Variants in FTO observed in about 807,000 individuals in gnomAD.
FTO encodes the protein FTO alpha-ketoglutarate dependent dioxygenase.
FTO carries 47 observed loss-of-function variants against 63.9 expected under a neutral mutation model. The ratio of observed to expected loss-of-function variants is 0.74; its 90% confidence interval spans 0.58 to 0.94. The LOEUF (loss-of-function observed/expected upper bound fraction) is 0.94, where lower values mean the gene tolerates loss of function less well. Among genes scored for constraint, FTO ranks in the 40% least tolerant of loss-of-function variants. The pLI, the probability that FTO is intolerant of heterozygous loss-of-function variation, is 0.00. For missense variants in FTO, 562 were observed against 618.1 expected, an observed-to-expected ratio of 0.91 and a Z score of 0.96; for synonymous variants, 207 against 224.4, an observed-to-expected ratio of 0.92 and a Z score of 0.69.
intron 1 of FTO, among the ~76,000 whole-genome samples, chr16:53,781,638 T>C (rs1160666938): frequency 6.6e-6 from 1 of 152,206 alleles, no homozygotes; most frequent in African/African-American, 2.4e-5. Context: ...ACTTCTTCTA[T>C]CATCTTATTC....
chr16:53,984,944 G>C (rs2083632091), intron 8 of FTO: 1 of 456,516 alleles, frequency 2.2e-6, no homozygotes, highest in Non-Finnish European at 4.4e-6. Context: ...TCAGGGCAGA[G>C]AGGAGTGTTG....
At chr16:54,004,957 C>T (rs576155015) in intron 8 of FTO, among the ~76,000 whole-genome samples, 1 of 151,116 alleles carries the variant, frequency 6.6e-6, no homozygotes, top group African/African-American at 2.4e-5. Flanking sequence ...GTAGTCGCAG[C>T]TACTTGGGAG....
At chr16:53,970,603 A>AG (rs1555499111) in intron 8 of FTO, among the ~76,000 whole-genome samples, 46 of 151,802 alleles carry the variant, frequency 3.0e-4, no homozygotes, top group African/African-American at 9.2e-4. Flanking sequence ...AAAAAAAAAA[A>AG]AAAAGAAAAG....
chr16:53,990,813 G>A (rs2083791776), intron 8 of FTO, among the ~76,000 whole-genome samples: 1 of 151,832 alleles, frequency 6.6e-6, no homozygotes, highest in Non-Finnish European at 1.5e-5. Flanking sequence ...CATTTCAGGT[G>A]CCCGCCACCA....
At chr16:53,867,295 CGT>C (rs1567377290) in intron 4 of FTO, among the ~76,000 whole-genome samples, 2 of 149,932 alleles carry the variant, frequency 1.3e-5, no homozygotes, top group African/African-American at 5.0e-5. Flanking sequence ...TGCTAGTAGA[CGT>C]GTATTGCAGG....
chr16:53,906,606 T>G (rs889979754), intron 7 of FTO, among the ~76,000 whole-genome samples: 3 of 152,208 alleles, frequency 2.0e-5, no homozygotes, highest in Non-Finnish European at 2.9e-5. Context: ...GGATCCGATT[T>G]CAAAGCTTCA....
intron 1 of FTO, among the ~76,000 whole-genome samples, chr16:53,789,992 AAT>A (rs1425726756): frequency 4.0e-5 from 6 of 149,390 alleles, no homozygotes; most frequent in East Asian, 1.9e-4. Flanking sequence ...ACAAATATAT[AAT>A]ATGTTTGTGT....
intron 4 of FTO, among the ~76,000 whole-genome samples, chr16:53,851,696 CTA>C (rs1217528573): frequency 6.6e-6 from 1 of 151,878 alleles, no homozygotes. Flanking sequence ...AAATATTACT[CTA>C]GTGTTTGTTT....
intron 1 of FTO, among the ~76,000 whole-genome samples, chr16:53,715,811 C>T (rs1339631257): frequency 1.3e-5 from 2 of 152,114 alleles, no homozygotes; most frequent in East Asian, 1.9e-4. Flanking sequence ...GCCCTCTTGG[C>T]AGTATATTTA....
At chr16:53,732,041 A>ATTTTTT (rs375814669) in intron 1 of FTO, among the ~76,000 whole-genome samples, 1 of 98,620 alleles carries the variant, frequency 1.0e-5, no homozygotes, top group Non-Finnish European at 1.9e-5. Context: ...TTGTGGCCTT[A>ATTTTTT]TTTTTTTTTT....
intron 4 of FTO, among the ~76,000 whole-genome samples, chr16:53,857,440 GTCTCTC>G (rs147635985): frequency 1.3e-4 from 19 of 141,938 alleles, no homozygotes; most frequent in African/African-American, 2.3e-4. Context: ...TGAGAACCTG[GTCTCTC>G]TCTCTCTCTC....
chr16:53,873,772 T>C lies in FTO; in HGVS notation c.896-14T>C. On this transcript the variant is annotated splice_polypyrimidine_tract_variant and intron_variant, in intron 4 of 8. Transcript: ENST00000471389. ...TAAATATGGTTTTATACATTTCTGG[T>C]GTTTTTCCTGTAGATGATCTCAATG... The C allele has an allele frequency of 5.0e-6, 8 of 1,607,202 alleles. No homozygotes were observed. The highest frequency in any genetic ancestry group is 6.8e-6 in the Non-Finnish European group (8 of 1,174,052).
intron 7 of FTO, among the ~76,000 whole-genome samples, chr16:53,899,222 T>C (rs2081345172): frequency 1.9e-5 from 2 of 106,642 alleles, no homozygotes; most frequent in Admixed American, 2.3e-4. Context: ...TATGCAAATA[T>C]GGAAAATCTT....
Position 54,064,723 on chromosome 16 carries a change from T to C in FTO, c.1365-47039T>C, listed in dbSNP as rs545384153. 4.2e-4 allele frequency among the ~76,000 whole-genome samples: 64 copies of C among 152,162 alleles called. 1 individual carries two copies. The highest frequency in any genetic ancestry group is 8.1e-4 in the Non-Finnish European group (55 of 67,998). On this transcript the variant is annotated intron_variant, in intron 8 of 8. Coordinates refer to ENST00000471389, the MANE Select transcript of FTO (RefSeq NM_001080432.3). ...CGATTTTTATTTTGCCAAGAACACG[T>C]TGGTAATGGGATGTAAATCTCCCGG... is the stretch of plus-strand genomic sequence containing the variant.
intron 7 of FTO, among the ~76,000 whole-genome samples, chr16:53,916,367 C>T (rs1396869718): frequency 3.3e-5 from 5 of 151,970 alleles, no homozygotes; most frequent in Admixed American, 1.3e-4. Flanking sequence ...CATCCACAAT[C>T]GTTTCTTTTA....
chr16:54,002,247 C>T (rs1489273525), intron 8 of FTO, among the ~76,000 whole-genome samples: 9 of 152,176 alleles, frequency 5.9e-5, no homozygotes, highest in African/African-American at 2.2e-4. Flanking sequence ...CTCCTGGGCT[C>T]AGGCTCAAGT....
At chr16:53,818,919 A>C (rs2078773731) in intron 2 of FTO, among the ~76,000 whole-genome samples, 1 of 152,162 alleles carries the variant, frequency 6.6e-6, no homozygotes, top group African/African-American at 2.4e-5. Context: ...GGTGTGTTTA[A>C]TAACTTCCTT....
At chr16:53,907,149 C>T (rs1019719183) in intron 7 of FTO, among the ~76,000 whole-genome samples, 2 of 152,166 alleles carry the variant, frequency 1.3e-5, no homozygotes, top group African/African-American at 2.4e-5. Context: ...CCTCAACTTA[C>T]GATGGGTCTG....
intron 7 of FTO, among the ~76,000 whole-genome samples, chr16:53,925,004 G>A (rs945848485): frequency 5.9e-5 from 9 of 151,340 alleles, no homozygotes; most frequent in Admixed American, 5.9e-4. Context: ...TTTCTTTGAT[G>A]GGACTAAGGC....
Sources: allele counts gnomAD v4.1 joint callset (sites outside exome capture counted in the v4.1 genomes callset), GRCh38; gene constraint gnomAD v4.1.1; transcripts MANE v1.5; gene names NCBI Gene and HGNC (gene_info 2026-07-23, HGNC 2026-07-21).